ZNF804A: variants seen among roughly 807,000 people sequenced by gnomAD.
ZNF804A encodes zinc finger protein 804A.
Under a neutral mutation model 16.5 loss-of-function variants are expected in ZNF804A, and 2 were observed. The ratio of observed to expected loss-of-function variants is 0.12; its 90% CI spans 0.05 to 0.38. The LOEUF (loss-of-function observed/expected upper bound fraction) is 0.38, where lower values mean the gene tolerates loss of function less well. ZNF804A is among the 10% of genes least tolerant of loss of function. The probability of loss-of-function intolerance (pLI) is 0.99; values close to 1 mark genes in which losing one functional copy is unlikely to be tolerated. For missense variants in ZNF804A, 1,473 were observed against 1,390.7 expected (o/e 1.06, Z -0.94); for synonymous variants, 534 against 489.6 (o/e 1.09, Z -1.20).
intron 1 of ZNF804A, among the ~76,000 whole-genome samples, chr2:184,623,742 C>A (rs779544377): frequency 2.1e-4 from 32 of 152,126 alleles, no homozygotes; most frequent in Non-Finnish European, 3.4e-4. Context: ...AAAAGAGCCA[C>A]ATTAACAAAC....
intron 1 of ZNF804A, among the ~76,000 whole-genome samples, chr2:184,818,526 C>A (rs1308297668): frequency 6.6e-6 from 1 of 152,032 alleles, no homozygotes; most frequent in East Asian, 1.9e-4. Flanking sequence ...CAGCTAGCAT[C>A]ATGATGGCAG....
At position 184,763,730 on chromosome 2, in the gene ZNF804A, C is replaced by A. The variant is rs543397070; in HGVS notation, c.112-102639C>A. Among the ~76,000 whole-genome samples, 9 of 145,050 alleles carry A rather than the reference C, an allele frequency of 6.2e-5. No individual in the cohort carries two copies. In the South Asian group the frequency reaches 2.0e-3, roughly 33 times the overall value. Reference sequence around the variant, plus strand: ...TGATCTTGGCTCACTGCAAGCTCCACCTCCCGGGTTCATGCCATTCTCCTG... The same window carrying A: ...TGATCTTGGCTCACTGCAAGCTCCAACTCCCGGGTTCATGCCATTCTCCTG... On this transcript the variant is annotated intron_variant, in intron 1 of 3. Coordinates refer to ENST00000302277, the MANE Select transcript of ZNF804A (RefSeq NM_194250.2).
intron 1 of ZNF804A, among the ~76,000 whole-genome samples, chr2:184,648,132 C>T (rs1324341000): frequency 1.3e-5 from 2 of 151,996 alleles, no homozygotes; most frequent in Non-Finnish European, 2.9e-5. Context: ...AAAAGAAATG[C>T]CAACCAAGAA....
chr2:184,789,040 A>G (rs1694491632), intron 1 of ZNF804A, among the ~76,000 whole-genome samples: 1 of 152,068 alleles, frequency 6.6e-6, no homozygotes, highest in African/African-American at 2.4e-5. Flanking sequence ...GAAGGTTTTT[A>G]GCATGAAGTG....
chr2:184,866,364 T>C lies in ZNF804A; in HGVS notation c.112-5T>C. The C allele has an allele frequency of 6.2e-7, 1 of 1,612,778 alleles. No homozygotes were observed. The highest frequency in any genetic ancestry group is 8.5e-7 in the Non-Finnish European group (1 of 1,179,360). ...TGTATCCTTCCTTGAAATTTTATTT[T>C]TCAGGACTATGCTGAGAAGGAAAAT... On this transcript the variant is annotated splice_region_variant and splice_polypyrimidine_tract_variant and intron_variant, in intron 1 of 3. Transcript: ENST00000302277.
rs147820116 is a variant in ZNF804A at position 184,900,591 on chromosome 2, T to C, written c.256-33012T>C. Reference sequence around the variant, plus strand: ...TTTTCTCATGTCCTGGGTGTATTAATGTAGGTCCTAAAAAACAGAAGCCAA... The same window carrying C: ...TTTTCTCATGTCCTGGGTGTATTAACGTAGGTCCTAAAAAACAGAAGCCAA... On this transcript the variant is annotated intron_variant, in intron 2 of 3. Transcript: ENST00000302277. 3.1e-3 allele frequency among the ~76,000 whole-genome samples: 475 copies of C among 152,236 alleles called. 1 individual carries two copies. Among genetic ancestry groups the C allele is most frequent in the African/African-American group, 0.011 (456 of 41,542 alleles).
At position 184,698,303 on chromosome 2, in the gene ZNF804A, C is replaced by T. The variant is rs575052840; in HGVS notation, c.111+99233C>T. Among the ~76,000 whole-genome samples the T allele has an allele frequency of 2.6e-5, 4 of 152,090 alleles. No individual in the cohort carries two copies. The South Asian group carries it at 6.2e-4, about 24-fold the overall frequency. On this transcript the variant is annotated intron_variant, in intron 1 of 3. Transcript: ENST00000302277. Reference sequence around the variant, plus strand: ...AAAGTTTTTAAGTTACATTTTAATCCTCCAAATTCATTTTTGTATATGGGG... The same window carrying T: ...AAAGTTTTTAAGTTACATTTTAATCTTCCAAATTCATTTTTGTATATGGGG...
At chr2:184,715,736 A>G (rs535667003) in intron 1 of ZNF804A, among the ~76,000 whole-genome samples, 10 of 152,050 alleles carry the variant, frequency 6.6e-5, no homozygotes, top group Non-Finnish European at 1.5e-4. Flanking sequence ...TTATTCTATC[A>G]TGTTCTTAAA....
intron 2 of ZNF804A, among the ~76,000 whole-genome samples, chr2:184,868,018 G>A (rs1238957402): frequency 1.3e-5 from 2 of 152,014 alleles, no homozygotes; most frequent in Non-Finnish European, 2.9e-5. Flanking sequence ...GTTAGCCCAA[G>A]GGCATTTTCA....
In ZNF804A at chr2:184,720,826, C is replaced by G. The variant is rs932020292; in HGVS notation, c.111+121756C>G. On this transcript the variant is annotated intron_variant, in intron 1 of 3. Coordinates refer to ENST00000302277, the MANE Select transcript of ZNF804A (RefSeq NM_194250.2). ...GCAATCCTGACTAGAAAGAACATCA[C>G]ATTACCTGACTTTAAGATATAGTAC... 1.1e-4 allele frequency among the ~76,000 whole-genome samples: 16 copies of G among 152,090 alleles called. 1 individual carries two copies. Among genetic ancestry groups the G allele is most frequent in the African/African-American group, 3.9e-4 (16 of 41,438 alleles).
chr2:184,696,348 C>T (rs1692831020), intron 1 of ZNF804A, among the ~76,000 whole-genome samples: 1 of 151,996 alleles, frequency 6.6e-6, no homozygotes, highest in African/African-American at 2.4e-5. Flanking sequence ...ATTGAAATCT[C>T]ATGTATGTAG....
chr2:184,816,486 C>T (rs1429961681), intron 1 of ZNF804A, among the ~76,000 whole-genome samples: 1 of 152,026 alleles, frequency 6.6e-6, no homozygotes, highest in Non-Finnish European at 1.5e-5. Flanking sequence ...AGTTCTAACT[C>T]TTAAGCTCAG....
intron 1 of ZNF804A, among the ~76,000 whole-genome samples, chr2:184,621,103 A>T (rs192521660): frequency 6.6e-6 from 1 of 151,674 alleles, no homozygotes; most frequent in African/African-American, 2.4e-5. Flanking sequence ...AAAAAAATGT[A>T]TGTACGTATA....
At chr2:184,927,621 G>C (rs1351357678) in intron 2 of ZNF804A, among the ~76,000 whole-genome samples, 1 of 152,144 alleles carries the variant, frequency 6.6e-6, no homozygotes, top group Non-Finnish European at 1.5e-5. Context: ...TAAAGCCAGG[G>C]TCCAGAATCA....
rs1392727834 is a variant in ZNF804A, at chr2:184,936,073, T to C, written c.677T>C (p.Leu226Pro). The C allele has an allele frequency of 1.2e-6, 2 of 1,614,088 alleles. No homozygotes were observed. Among genetic ancestry groups the C allele is most frequent in the South Asian group, 2.2e-5 (2 of 91,084 alleles). ...FAFPKKASVK[L>P]ESSAAAFSEY... The stretch of plus-strand genomic sequence containing the variant: ...TTTCCAAAGAAAGCGTCCGTGAAGC[T>C]AGAGTCCTCAGCTGCAGCCTTCTCT... The change falls in exon 4 of 4, where the codon CTA (leucine) becomes CCA (proline). Residue 226 changes from leucine to proline, a missense_variant. Physicochemically the swap from Leu to Pro is moderately conservative, Grantham distance 98. Coordinates refer to ENST00000302277, the MANE Select transcript of ZNF804A (RefSeq NM_194250.2).
chr2:184,639,068 C>CTTT (rs34389839), intron 1 of ZNF804A, among the ~76,000 whole-genome samples: 416 of 107,354 alleles, frequency 3.9e-3, no homozygotes, highest in Middle Eastern at 7.0e-3. Context: ...AAGCCCCCTC[C>CTTT]TTTTTTTTTT....
At position 184,859,598 on chromosome 2, in the gene ZNF804A, C is replaced by T. The variant is rs1326631817; in HGVS notation, c.112-6771C>T. On this transcript the variant is annotated intron_variant, in intron 1 of 3. Coordinates refer to ENST00000302277, the MANE Select transcript of ZNF804A (RefSeq NM_194250.2). ...TCTTTCTCAAGCAGTTTTTATATCT[C>T]CATTTTCTTAGATCAGCTAGTGGGA... Among the ~76,000 whole-genome samples, 3 of 152,126 alleles carry T rather than the reference C, an allele frequency of 2.0e-5. No homozygotes were observed. The East Asian group carries it at 5.8e-4, about 29-fold the overall frequency.
intron 1 of ZNF804A, among the ~76,000 whole-genome samples, chr2:184,842,151 A>G (rs1207237813): frequency 2.0e-5 from 3 of 152,144 alleles, no homozygotes; most frequent in Non-Finnish European, 4.4e-5. Flanking sequence ...TTTCTTTTGG[A>G]TATCTGAACA....
At chr2:184,714,677 G>A (rs1044055116) in intron 1 of ZNF804A, among the ~76,000 whole-genome samples, 11 of 151,988 alleles carry the variant, frequency 7.2e-5, no homozygotes, top group East Asian at 3.8e-4. Flanking sequence ...ACAATTTTTC[G>A]AGTAAGGTAA....
Sources: gnomAD v4.1 joint callset for allele counts (sites outside exome capture counted in the v4.1 genomes callset) on GRCh38, gnomAD v4.1.1 for gene constraint, MANE v1.5 for transcripts, NCBI Gene and HGNC (gene_info 2026-07-23, HGNC 2026-07-21) for gene names.